Variants in RGS6 observed in about 807,000 individuals in gnomAD.
RGS6 encodes the protein regulator of G protein signaling 6.
RGS6 carries 30 observed loss-of-function variants against 78.5 expected under a neutral mutation model. That is an observed-to-expected ratio of 0.38 (90% CI 0.29 to 0.52). The LOEUF is 0.52. Ranked by LOEUF, RGS6 falls within the 20% of genes least tolerant of loss-of-function variation. The probability of loss-of-function intolerance (pLI) is 0.85; values close to 1 mark genes in which losing one functional copy is unlikely to be tolerated. For missense variants in RGS6, 495 were observed against 609.7 expected (o/e 0.81, Z 1.98); for synonymous variants, 206 against 206.0 (o/e 1.00, Z 0.00).
chr14:71,890,206 T>C, the RGS6 span, among the ~76,000 whole-genome samples: 2 of 152,146 alleles, frequency 1.3e-5, no homozygotes, highest in African/African-American at 2.4e-5. Context: ...AGATCAAAGA[T>C]TTGGTCAGCC....
intron 3 of RGS6, among the ~76,000 whole-genome samples, chr14:72,398,983 A>G (rs1050119534): frequency 1.3e-5 from 2 of 151,790 alleles, no homozygotes; most frequent in Non-Finnish European, 2.9e-5. Context: ...TATGTGGTCA[A>G]TTTTGGAATA....
intron 11 of RGS6, 177 bp downstream of exon 11, chr14:72,477,017 G>T: frequency 1.7e-6 from 1 of 588,052 alleles, no homozygotes. Context: ...GGAAGCTTGA[G>T]AGAAAGAATT....
At chr14:72,242,769 G>C (rs530304801) in intron 2 of RGS6, among the ~76,000 whole-genome samples, 1 of 149,768 alleles carries the variant, frequency 6.7e-6, no homozygotes, top group East Asian at 2.0e-4. Context: ...AGGGTGAATA[G>C]TAGTTGTGAT....
intron 2 of RGS6, among the ~76,000 whole-genome samples, chr14:72,126,633 A>G (rs183262061): frequency 6.6e-6 from 1 of 152,154 alleles, no homozygotes; most frequent in Non-Finnish European, 1.5e-5. Flanking sequence ...TATTTAGGCA[A>G]CTCTTACTAA....
chr14:72,549,421 G>A (rs2097464301), intron 17 of RGS6, among the ~76,000 whole-genome samples: 1 of 152,160 alleles, frequency 6.6e-6, no homozygotes, highest in Admixed American at 6.5e-5. Flanking sequence ...TGTGCGTGGG[G>A]CGTCCTGGCC....
chr14:72,536,149 G>C (rs202172509), intron 15 of RGS6, 37 bp from the exon 16 acceptor site: 73 of 1,467,002 alleles, frequency 5.0e-5, no homozygotes, highest in Middle Eastern at 3.5e-4. Context: ...CTGGTTGACA[G>C]CCCTTCCTTG....
intron 2 of RGS6, among the ~76,000 whole-genome samples, chr14:72,274,026 C>T (rs2060316275): frequency 6.6e-6 from 1 of 152,152 alleles, no homozygotes; most frequent in South Asian, 2.1e-4. Context: ...CACTAGGAAA[C>T]AGTGCTAATT....
intron 2 of RGS6, among the ~76,000 whole-genome samples, chr14:72,322,168 A>G (rs1350387691): frequency 6.6e-6 from 1 of 152,054 alleles, no homozygotes; most frequent in Non-Finnish European, 1.5e-5. Context: ...AATTAAATAT[A>G]AGAAAAATAA....
chr14:72,622,001 T>C, the RGS6 span, among the ~76,000 whole-genome samples: 4 of 152,166 alleles, frequency 2.6e-5, no homozygotes, highest in African/African-American at 9.7e-5. Flanking sequence ...GCCTGAGATA[T>C]GGACTTGGGA....
chr14:72,406,898 T>C (rs920381247), intron 3 of RGS6, among the ~76,000 whole-genome samples: 2 of 152,216 alleles, frequency 1.3e-5, no homozygotes, highest in African/African-American at 4.8e-5. Flanking sequence ...GTGCCCACCA[T>C]GTGGATATCC....
At chr14:72,242,439 C>T (rs1388845300) in intron 2 of RGS6, among the ~76,000 whole-genome samples, 2 of 152,176 alleles carry the variant, frequency 1.3e-5, no homozygotes, top group Admixed American at 1.3e-4. Flanking sequence ...CAAATGTTTT[C>T]ACCTTAAAAT....
intron 2 of RGS6, among the ~76,000 whole-genome samples, chr14:72,098,114 G>A (rs1597506618): frequency 6.6e-6 from 1 of 152,238 alleles, no homozygotes. Flanking sequence ...TGACATAGCT[G>A]TGCTGTTGTT....
chr14:72,062,211 T>A (rs2093928369), intron 2 of RGS6, among the ~76,000 whole-genome samples: 1 of 152,162 alleles, frequency 6.6e-6, no homozygotes. Context: ...ATCCTTCAAG[T>A]GGCATAAATA....
At chr14:72,277,320 G>A (rs111979236) in intron 2 of RGS6, among the ~76,000 whole-genome samples, 7,606 of 152,208 alleles carry the variant, frequency 0.05, 557 homozygotes, top group African/African-American at 0.17. Context: ...TCTACTAGCC[G>A]GGTGCGGTGG....
At chr14:72,343,878 G>A (rs1050768271) in intron 2 of RGS6, among the ~76,000 whole-genome samples, 2 of 152,204 alleles carry the variant, frequency 1.3e-5, no homozygotes, top group African/African-American at 4.8e-5. Flanking sequence ...GGTAATTTGA[G>A]GAGATTAGAA....
chr14:72,554,767 A>G (rs903083550), intron 17 of RGS6, among the ~76,000 whole-genome samples: 1 of 152,158 alleles, frequency 6.6e-6, no homozygotes, highest in African/African-American at 2.4e-5. Flanking sequence ...AGCTGGTGTG[A>G]AAAGGGGGCA....
chr14:71,942,504 C>T (rs1163603908), intron 1 of RGS6, among the ~76,000 whole-genome samples: 1 of 151,688 alleles, frequency 6.6e-6, no homozygotes, highest in East Asian at 1.9e-4. Context: ...TAAGATAGGT[C>T]CCAATTTTAT....
intron 3 of RGS6, among the ~76,000 whole-genome samples, chr14:72,418,304 T>C (rs548819718): frequency 2.0e-5 from 3 of 152,078 alleles, no homozygotes; most frequent in Admixed American, 2.0e-4. Context: ...GTAGCTGGGA[T>C]AACAGGCACC....
intron 1 of RGS6, among the ~76,000 whole-genome samples, chr14:71,953,969 G>GTTTTTTTTTTTTTTTTTTTTTTTTTTT (rs3053026): frequency 1.3e-5 from 1 of 76,078 alleles, no homozygotes; most frequent in African/African-American, 5.3e-5. Context: ...CTAAGTGGGC[G>GTTTTTTTTTTTTTTTTTTTTTTTTTTT]TTTTTTTTTT....
Sources: gnomAD v4.1 joint callset for allele counts (sites outside exome capture counted in the v4.1 genomes callset) on GRCh38, gnomAD v4.1.1 for gene constraint, MANE v1.5 for transcripts, NCBI Gene and HGNC (gene_info 2026-07-23, HGNC 2026-07-21) for gene names.